The following ARHGEF33 variants were observed in gnomAD, a reference collection of about 807,000 sequenced individuals.
ARHGEF33 encodes the protein DH and coiled-coil domain-containing protein ENSP00000381780.
A neutral mutation model predicts 101.9 loss-of-function variants in ARHGEF33; 72 were observed. The ratio of observed to expected loss-of-function variants is 0.71; its 90% confidence interval spans 0.58 to 0.86. The LOEUF (loss-of-function observed/expected upper bound fraction) is 0.86. Ranked by LOEUF, ARHGEF33 falls within the 40% of genes least tolerant of loss-of-function variation. ARHGEF33 has a pLI of 0.00. For missense variants in ARHGEF33, 1,169 were observed against 1,111.3 expected (o/e 1.05, Z -0.74); for synonymous variants, 499 against 442.5 (o/e 1.13, Z -1.60).
intron 13 of ARHGEF33, among the ~76,000 whole-genome samples, chr2:38,955,126 A>G (rs1667706964): frequency 6.6e-6 from 1 of 152,098 alleles, no homozygotes; most frequent in Non-Finnish European, 1.5e-5. Flanking sequence ...TGACATCTAA[A>G]TATCCATCTA....
At chr2:38,948,798 C>T (rs1667516405) in intron 10 of ARHGEF33, among the ~76,000 whole-genome samples, 1 of 152,180 alleles carries the variant, frequency 6.6e-6, no homozygotes, top group African/African-American at 2.4e-5. Context: ...TTGGCTGGTG[C>T]AGCATTTTAC....
chr2:38,920,280 T>A (rs1427597686), intron 3 of ARHGEF33, among the ~76,000 whole-genome samples: 1 of 152,130 alleles, frequency 6.6e-6, no homozygotes, highest in Non-Finnish European at 1.5e-5. Flanking sequence ...ACGAGCTGAA[T>A]GTTTTACATG....
intron 11 of ARHGEF33, among the ~76,000 whole-genome samples, 175 bp from the exon 12 acceptor site, chr2:38,952,987 C>G (rs910010418): frequency 3.3e-5 from 5 of 152,204 alleles, no homozygotes; most frequent in Admixed American, 2.6e-4. Context: ...GCGTGAGCCA[C>G]CGCGCCTTAT....
chr2:38,929,625 A>G lies in ARHGEF33; in HGVS notation c.241-84A>G. ...TCATTCATTCATTCAATAAATATGT[A>G]TTAAAAGTGTACAGTGTGCTAGATT... On this transcript the variant is annotated intron_variant, in intron 5 of 17. Coordinates refer to ENST00000409978, the MANE Select transcript of ARHGEF33 (RefSeq NM_001145451.5). 4 of 1,126,026 alleles carry G rather than the reference A, an allele frequency of 3.6e-6. No individual in the cohort carries two copies. In the South Asian group the frequency reaches 9.0e-5, roughly 25 times the overall value. The allele number at this position is 1,126,026 out of a possible 1,614,324, so 69.8% of individuals were successfully genotyped here. A position where few individuals can be genotyped will look rare whatever the true frequency, so the allele number is the denominator to read the frequency against.
At chr2:38,925,270 A>C (rs552914477) in intron 4 of ARHGEF33, among the ~76,000 whole-genome samples, 1 of 152,242 alleles carries the variant, frequency 6.6e-6, no homozygotes, top group Non-Finnish European at 1.5e-5. Context: ...TAATTTAAGA[A>C]AATAAATGAT....
At chr2:38,923,990 T>C (rs1195012353) in intron 4 of ARHGEF33, among the ~76,000 whole-genome samples, 2 of 152,172 alleles carry the variant, frequency 1.3e-5, no homozygotes, top group Admixed American at 1.3e-4. Flanking sequence ...ATTTCCATCA[T>C]GAAAATATTT....
In ARHGEF33 at chr2:38,960,420, G is replaced by C; in HGVS notation, c.2115G>C (p.Leu705=). ...AGGCGCACGGCAAGGCCAAGCCGCT[G>C]AGCCGCTCTCTCAAAGAGTTCCCGC... ...AAQAHGKAKP[L]SRSLKEFPRA... Residue 705 remains leucine, a synonymous_variant, in exon 16 of 18, where the codon CTG becomes CTC. Transcript: ENST00000409978. 6.6e-7 allele frequency: 1 copy of C among 1,515,442 alleles called. No homozygotes were observed. The highest frequency in any genetic ancestry group is 8.8e-7 in the Non-Finnish European group (1 of 1,138,170). The allele number at this position is 1,515,442 out of a possible 1,614,324, so 93.9% of individuals were successfully genotyped here.
intron 9 of ARHGEF33, among the ~76,000 whole-genome samples, chr2:38,943,086 T>C (rs927695038): frequency 6.6e-6 from 1 of 152,006 alleles, no homozygotes; most frequent in African/African-American, 2.4e-5. Context: ...TGCCACCACA[T>C]CTGGTTAATT....
In ARHGEF33 at chr2:38,951,033, A is replaced by G. The variant is rs770589282; in HGVS notation, c.965A>G (p.Asp322Gly). ...CGGTACCTCGTCCAGCAGCACCTGG[A>G]TCTGCTTCACGCACTGCAGGAAAGG... ...SLRYLVQQHLDLLHALQERVL... is the reference protein window; with the variant it reads ...SLRYLVQQHLGLLHALQERVL... Residue 322 changes from aspartate (D) to glycine (G), a missense_variant, in exon 11 of 18, where the codon GAT (aspartate) becomes GGT (glycine). By Grantham distance (94) the Asp-to-Gly change is moderately conservative (BLOSUM62 -1). Coordinates refer to ENST00000409978, the MANE Select transcript of ARHGEF33 (RefSeq NM_001145451.5). 6.8e-5 allele frequency: 106 copies of G among 1,552,100 alleles called. No individual in the cohort carries two copies. Among genetic ancestry groups the G allele is most frequent in the Non-Finnish European group, 8.5e-5 (97 of 1,147,076 alleles).
At chr2:38,898,868 A>C (rs925625149) in intron 2 of ARHGEF33, among the ~76,000 whole-genome samples, 2 of 152,216 alleles carry the variant, frequency 1.3e-5, no homozygotes, top group Non-Finnish European at 2.9e-5. Flanking sequence ...TGTATCTTAT[A>C]AAACATTTTT....
At chr2:38,950,921 T>C in intron 10 of ARHGEF33, 68 bp from the exon 11 acceptor site, 4 of 1,429,690 alleles carry the variant, frequency 2.8e-6, no homozygotes, top group Non-Finnish European at 3.8e-6. Context: ...CCCTGCTGCA[T>C]GTATTTTTGT....
Position 38,960,566 on chromosome 2 carries a change from T to C in ARHGEF33, c.2261T>C (p.Val754Ala), listed in dbSNP as rs1667903541. The C allele has an allele frequency of 7.8e-7, 1 of 1,276,688 alleles. No individual in the cohort carries two copies. The highest frequency in any genetic ancestry group is 1.0e-6 in the Non-Finnish European group (1 of 993,942). The allele number at this position is 1,276,688 out of a possible 1,614,324, so 79.1% of individuals were successfully genotyped here. ...GCGCACGGCCCGGCCGCCGCCGCCG[T>C]CGCCGCCCGCGGCGCATCCAGGACC... Reference protein sequence around the residue: ...AQAHGPAAAAVAARGASRTFF... With the variant: ...AQAHGPAAAAAAARGASRTFF... Residue 754 changes from valine (V) to alanine (A), a missense_variant, in exon 16 of 18, where the codon GTC becomes GCC. Coordinates refer to ENST00000409978, the MANE Select transcript of ARHGEF33 (RefSeq NM_001145451.5).
intron 7 of ARHGEF33, among the ~76,000 whole-genome samples, chr2:38,932,016 A>G (rs1460591381): frequency 6.6e-6 from 1 of 152,250 alleles, no homozygotes; most frequent in Non-Finnish European, 1.5e-5. Flanking sequence ...AATTAGGTTT[A>G]TATACTCATA....
intron 3 of ARHGEF33, among the ~76,000 whole-genome samples, 194 bp from the exon 4 acceptor site, chr2:38,921,180 G>A (rs938171198): frequency 1.3e-5 from 2 of 152,204 alleles, no homozygotes; most frequent in African/African-American, 4.8e-5. Flanking sequence ...GGTAGATAAT[G>A]GTTTAGTGAT....
Position 38,960,166 on chromosome 2 carries a change from G to A in ARHGEF33, c.1861G>A (p.Glu621Lys), listed in dbSNP as rs1253671749. The part of the protein sequence containing the change: ...AAYEEFEYGG[E>K]IFALPAPYDE... ...CTACGAAGAGTTCGAGTACGGCGGC[G>A]AGATCTTCGCGCTGCCCGCGCCCTA... is the stretch of plus-strand genomic sequence containing the variant. Residue 621 changes from glutamate (E) to lysine (K), a missense_variant, in exon 16 of 18, where the codon GAG becomes AAG. Glu to Lys is a moderately conservative substitution (Grantham distance 56). Transcript: ENST00000409978. The A allele has an allele frequency of 1.3e-6, 2 of 1,542,818 alleles. No homozygotes were observed. Among genetic ancestry groups the A allele is most frequent in the South Asian group, 2.4e-5 (2 of 83,920 alleles).
intron 4 of ARHGEF33, among the ~76,000 whole-genome samples, chr2:38,924,617 T>C (rs1168164781): frequency 6.6e-6 from 1 of 152,194 alleles, no homozygotes; most frequent in East Asian, 1.9e-4. Flanking sequence ...TCTATTGTTT[T>C]ATGTATTTTA....
rs186058116 is a variant in ARHGEF33, at chr2:38,932,877, G to C, written c.505+1626G>C. 1.3e-3 allele frequency among the ~76,000 whole-genome samples: 193 copies of C among 152,164 alleles called. 1 individual carries two copies. The highest frequency in any genetic ancestry group is 2.9e-5 in the Non-Finnish European group (2 of 68,004). On this transcript the variant is annotated intron_variant, in intron 7 of 17. Transcript: ENST00000409978. The stretch of plus-strand genomic sequence containing the variant: ...CTCCTTCCTTTCCTCCTGTATAGAC[G>C]TGGTCATAGTTTATTCTACTGAGTT...
At chr2:38,954,349 T>C (rs776988296) in intron 12 of ARHGEF33, 24 bp from the exon 13 acceptor site, 1 of 1,434,502 alleles carries the variant, frequency 7.0e-7, no homozygotes, top group South Asian at 1.2e-5. Flanking sequence ...CACTGAAGAG[T>C]AACTTGACCT....
chr2:38,902,519 A>T (rs1219740962), intron 2 of ARHGEF33, among the ~76,000 whole-genome samples: 2 of 152,238 alleles, frequency 1.3e-5, no homozygotes, highest in Admixed American at 1.3e-4. Context: ...TTGTAAAGTG[A>T]CAGGGCTTGG....
Sources: allele counts gnomAD v4.1 joint callset (sites outside exome capture counted in the v4.1 genomes callset), GRCh38; gene constraint gnomAD v4.1.1; transcripts MANE v1.5; gene names NCBI Gene and HGNC (gene_info 2026-07-23, HGNC 2026-07-21).